The following MAGI1 variants were observed in gnomAD, a reference collection of about 807,000 sequenced individuals.
MAGI1 encodes membrane associated guanylate kinase, WW and PDZ domain containing 1.
MAGI1 carries 58 observed loss-of-function variants against 139.9 expected under a neutral mutation model. The observed-to-expected ratio is 0.41, with a 90% CI of 0.34 to 0.52. The LOEUF is 0.52. MAGI1 is among the 20% of genes least tolerant of loss of function. The pLI is 0.12. For synonymous variants in MAGI1, 812 were observed against 737.9 expected (o/e 1.10, Z -1.63); for missense variants, 1,874 against 1,901.6 (o/e 0.99, Z 0.27).
chr3:65,976,063 G>A (rs1443651279), intron 1 of MAGI1, among the ~76,000 whole-genome samples: 1 of 152,136 alleles, frequency 6.6e-6, no homozygotes, highest in Non-Finnish European at 1.5e-5. Context: ...TCCTTTGCAA[G>A]TGTTTCATCC....
chr3:65,477,714 T>TTATTATTA lies in MAGI1; in HGVS notation c.757+877_757+878insTAATAATA, dbSNP rs745836102. Among the ~76,000 whole-genome samples the TTATTATTA allele has an allele frequency of 9.2e-3, 985 of 107,318 alleles. 8 individuals are homozygous for TTATTATTA. Among genetic ancestry groups the TTATTATTA allele is most frequent in the Middle Eastern group, 0.028 (5 of 178 alleles). 70.4% of individuals were successfully genotyped at this position (107,318 alleles called of 152,430 possible). ...CAACATTATTATTATTATTATTATT[T>TTATTATTA]TTTTTTTTTTATTTATATTTTTTGA... On this transcript the variant is annotated intron_variant, in intron 4 of 22. Transcript: ENST00000402939.
chr3:65,576,200 G>T (rs1478816413), intron 2 of MAGI1, among the ~76,000 whole-genome samples: 2 of 152,102 alleles, frequency 1.3e-5, no homozygotes, highest in Non-Finnish European at 1.5e-5. Context: ...GCGGTTTTCT[G>T]TTTGCTTCTT....
chr3:65,356,780 GCCCT>G lies in MAGI1; in HGVS notation c.3983_3986del (p.Glu1328AlafsTer106). On this transcript the variant is annotated frameshift_variant, in exon 23 of 23. Transcript: ENST00000402939. LOFTEE classifies it low-confidence loss of function (END_TRUNC). ...CCAAAGTGTTGTCGGCGCTGCGGGT[GCCCT>G]CCCTCCGCTTCTCTGGGGACCGCCT... 6.2e-7 allele frequency: 1 copy of G among 1,608,118 alleles called. No individual in the cohort carries two copies. Among genetic ancestry groups the G allele is most frequent in the Non-Finnish European group, 8.5e-7 (1 of 1,177,160 alleles).
intron 1 of MAGI1, among the ~76,000 whole-genome samples, chr3:65,761,693 A>T (rs978686295): frequency 6.6e-6 from 1 of 152,216 alleles, no homozygotes; most frequent in Non-Finnish European, 1.5e-5. Context: ...GCCGAGAATG[A>T]ACCTAGAATG....
rs370003808 is a variant in MAGI1 at position 65,870,459 on chromosome 3, C to G, written c.313+167537G>C. 1.3e-3 allele frequency among the ~76,000 whole-genome samples: 193 copies of G among 152,042 alleles called. 1 individual carries two copies. The Middle Eastern group carries it at 0.017, about 13-fold the overall frequency. On this transcript the variant is annotated intron_variant, in intron 1 of 22. Coordinates refer to ENST00000402939, the MANE Select transcript of MAGI1 (RefSeq NM_001033057.2). ...GTCTTAATGCATCTTTCTATCTATC[C>G]CCTGGCCCCGGCTCCATGAATGGAC...
intron 2 of MAGI1, among the ~76,000 whole-genome samples, chr3:65,619,190 G>C (rs2083537882): frequency 6.6e-6 from 1 of 152,160 alleles, no homozygotes; most frequent in South Asian, 2.1e-4. Flanking sequence ...TGAGGAATGA[G>C]TAATATGGCA....
intron 1 of MAGI1, among the ~76,000 whole-genome samples, chr3:65,888,216 T>G (rs913392252): frequency 1.3e-5 from 2 of 152,176 alleles, no homozygotes; most frequent in African/African-American, 4.8e-5. Context: ...AACAGATTTT[T>G]CCTAATGGTG....
chr3:65,765,593 T>A (rs923878433), intron 1 of MAGI1, among the ~76,000 whole-genome samples: 3 of 152,220 alleles, frequency 2.0e-5, no homozygotes, highest in African/African-American at 7.2e-5. Context: ...TACATGAGGC[T>A]GTGGTGCCTT....
At chr3:65,453,213 C>G (rs759939077) in intron 6 of MAGI1, 45 bp downstream of exon 6, 4 of 1,544,478 alleles carry the variant, frequency 2.6e-6, no homozygotes, top group African/African-American at 1.4e-5. Flanking sequence ...CACATGTGAA[C>G]AGTGCCCCCA....
intron 1 of MAGI1, among the ~76,000 whole-genome samples, chr3:65,956,912 G>T (rs1353591543): frequency 6.6e-6 from 1 of 152,142 alleles, no homozygotes; most frequent in African/African-American, 2.4e-5. Flanking sequence ...TGAGACAGGA[G>T]AATCACTTGA....
At chr3:65,581,500 C>G (rs148288861) in intron 2 of MAGI1, among the ~76,000 whole-genome samples, 1 of 152,160 alleles carries the variant, frequency 6.6e-6, no homozygotes, top group Non-Finnish European at 1.5e-5. Flanking sequence ...TTCACTTCCT[C>G]TGCTCACTTT....
intron 2 of MAGI1, among the ~76,000 whole-genome samples, chr3:65,553,169 G>C (rs2079929666): frequency 6.6e-6 from 1 of 151,272 alleles, no homozygotes; most frequent in Non-Finnish European, 1.5e-5. Context: ...AGCCCCTGAA[G>C]ATGGATGGAA....
At chr3:65,416,676 A>G (rs1265539749) in intron 12 of MAGI1, among the ~76,000 whole-genome samples, 1 of 152,208 alleles carries the variant, frequency 6.6e-6, no homozygotes, top group African/African-American at 2.4e-5. Flanking sequence ...GAACACTATT[A>G]ACAAGAGTCT....
At chr3:65,363,945 A>C (rs1466981678) in intron 20 of MAGI1, among the ~76,000 whole-genome samples, 1 of 152,148 alleles carries the variant, frequency 6.6e-6, no homozygotes, top group Non-Finnish European at 1.5e-5. Context: ...TGTGTCCAAT[A>C]AATGCTGGCT....
At chr3:65,584,066 G>A (rs375700166) in intron 2 of MAGI1, among the ~76,000 whole-genome samples, 56 of 145,878 alleles carry the variant, frequency 3.8e-4, no homozygotes, top group African/African-American at 1.2e-3. Context: ...CATTAGTCAG[G>A]GCCTCAAAAA....
rs1281120979 is a variant in MAGI1 at position 65,974,366 on chromosome 3, G to A, written c.313+63630C>T. ...GGAGGGAGGAGTGGATGGATGGATGGGTGGGCGGGTGGGCGGGTGGCTGGG... is the reference window on the plus strand; with the variant it reads ...GGAGGGAGGAGTGGATGGATGGATGAGTGGGCGGGTGGGCGGGTGGCTGGG... On this transcript the variant is annotated intron_variant, in intron 1 of 22. Coordinates refer to ENST00000402939, the MANE Select transcript of MAGI1 (RefSeq NM_001033057.2). 2.7e-5 allele frequency among the ~76,000 whole-genome samples: 3 copies of A among 112,866 alleles called. No homozygotes were observed. The East Asian group carries it at 9.9e-4, about 37-fold the overall frequency. The allele number at this position is 112,866 out of a possible 152,430, so 74.0% of individuals were successfully genotyped here. A position where few individuals can be genotyped will look rare whatever the true frequency, so the allele number is the denominator to read the frequency against.
intron 1 of MAGI1, chr3:66,008,900 G>A (rs988881499): frequency 2.0e-5 from 3 of 152,248 alleles, no homozygotes; most frequent in African/African-American, 4.8e-5. Flanking sequence ...GAGGCTTTAA[G>A]CAGGGTATGC....
At chr3:65,492,119 G>A (rs376634447) in intron 3 of MAGI1, among the ~76,000 whole-genome samples, 9 of 152,114 alleles carry the variant, frequency 5.9e-5, no homozygotes, top group African/African-American at 4.8e-5. Context: ...AAAATGCCCC[G>A]TGAATGCCTA....
At chr3:65,846,856 G>A (rs2059015632) in intron 1 of MAGI1, among the ~76,000 whole-genome samples, 1 of 151,762 alleles carries the variant, frequency 6.6e-6, no homozygotes, top group Non-Finnish European at 1.5e-5. Context: ...TATTTGAAAG[G>A]ATGGATGGGT....
Sources: allele counts gnomAD v4.1 joint callset (sites outside exome capture counted in the v4.1 genomes callset), GRCh38; gene constraint gnomAD v4.1.1; transcripts MANE v1.5; gene names NCBI Gene and HGNC (gene_info 2026-07-23, HGNC 2026-07-21).